NCAM2: variants seen among roughly 807,000 people sequenced by gnomAD.
The protein encoded by NCAM2 is N-CAM-2.
In NCAM2, 30 loss-of-function variants were observed where a neutral mutation model predicts 98.1. That is an observed-to-expected ratio of 0.31 (90% CI 0.23 to 0.41). NCAM2 has a LOEUF of 0.41. NCAM2 is among the 10% of genes least tolerant of loss of function. The probability of loss-of-function intolerance (pLI) is 1.00; values close to 1 mark genes in which losing one functional copy is unlikely to be tolerated. For missense variants in NCAM2, 867 were observed against 1,005.8 expected (o/e 0.86, Z 1.87); for synonymous variants, 368 against 342.4 (o/e 1.07, Z -0.83).
chr21:21,061,037 GT>G (rs373633303), intron 1 of NCAM2, among the ~76,000 whole-genome samples: 48 of 152,218 alleles, frequency 3.2e-4, no homozygotes, highest in African/African-American at 1.1e-3. Flanking sequence ...TAAGGTATAA[GT>G]TTGCTGAGAG....
intron 2 of NCAM2, among the ~76,000 whole-genome samples, chr21:21,282,320 G>T (rs578255583): frequency 2.6e-5 from 4 of 152,000 alleles, no homozygotes; most frequent in Admixed American, 2.6e-4. Context: ...TTGCCTGTAT[G>T]TATTGCATAG....
intron 15 of NCAM2, among the ~76,000 whole-genome samples, chr21:21,485,875 G>A (rs1986306335): frequency 6.6e-6 from 1 of 152,030 alleles, no homozygotes; most frequent in African/African-American, 2.4e-5. Context: ...TTTCATATGA[G>A]GGCTAGGCCT....
intron 11 of NCAM2, among the ~76,000 whole-genome samples, chr21:21,430,272 C>T (rs1252940104): frequency 6.6e-6 from 1 of 151,826 alleles, no homozygotes; most frequent in East Asian, 1.9e-4. Context: ...AAGTAATCCG[C>T]CCACCTCAGC....
At chr21:21,259,835 A>G (rs878900632) in intron 1 of NCAM2, among the ~76,000 whole-genome samples, 1 of 151,880 alleles carries the variant, frequency 6.6e-6, no homozygotes, top group Non-Finnish European at 1.5e-5. Flanking sequence ...GAATCCAAAC[A>G]ACCATACACA....
In NCAM2 at chr21:21,541,971, A is replaced by G. The variant is rs1004743337; in HGVS notation, c.*4014A>G. The stretch of plus-strand genomic sequence containing the variant: ...TTTGCATCTGTTTATTTACCCTTTG[A>G]AGCATTAATACTTAGTCACTCACAT... On this transcript the variant is annotated 3_prime_UTR_variant, in exon 18 of 18. Coordinates refer to ENST00000400546, the MANE Select transcript of NCAM2 (RefSeq NM_004540.5). The G allele has an allele frequency of 3.3e-5, 5 of 151,828 alleles. No homozygotes were observed. The highest frequency in any genetic ancestry group is 2.0e-4 in the Admixed American group (3 of 15,196). 9.4% of individuals were successfully genotyped at this position (151,828 alleles called of 1,614,324 possible).
chr21:21,149,278 T>G (rs1310441681), intron 1 of NCAM2, among the ~76,000 whole-genome samples: 2 of 152,212 alleles, frequency 1.3e-5, no homozygotes, highest in Non-Finnish European at 2.9e-5. Flanking sequence ...AGAATTACAT[T>G]GAATCTATAG....
chr21:21,052,432 A>T (rs1251295699), intron 1 of NCAM2, among the ~76,000 whole-genome samples: 1 of 152,016 alleles, frequency 6.6e-6, no homozygotes. Context: ...CTCAAGGTAG[A>T]TGTCCATTTC....
chr21:21,414,509 C>G (rs570437083), intron 10 of NCAM2, among the ~76,000 whole-genome samples: 1 of 138,844 alleles, frequency 7.2e-6, no homozygotes. Flanking sequence ...CTCGCTCTGT[C>G]GCCCAGGCTG....
intron 1 of NCAM2, among the ~76,000 whole-genome samples, chr21:21,015,514 T>C (rs2064289450): frequency 6.6e-6 from 1 of 152,222 alleles, no homozygotes. Flanking sequence ...TTTAAATTAA[T>C]GTATGGACAT....
intron 8 of NCAM2, among the ~76,000 whole-genome samples, chr21:21,353,706 T>C (rs1361153013): frequency 6.6e-6 from 1 of 152,212 alleles, no homozygotes; most frequent in East Asian, 1.9e-4. Flanking sequence ...ATTTTTCCTC[T>C]GTGGGAAGTG....
chr21:21,378,787 C>CA (rs1602158008), intron 9 of NCAM2, among the ~76,000 whole-genome samples: 1 of 151,934 alleles, frequency 6.6e-6, no homozygotes, highest in African/African-American at 2.4e-5. Context: ...ACTACTATGA[C>CA]AAAAAACTTC....
intron 5 of NCAM2, among the ~76,000 whole-genome samples, chr21:21,320,314 G>A (rs1288910491): frequency 1.3e-5 from 2 of 152,122 alleles, no homozygotes; most frequent in South Asian, 4.1e-4. Context: ...TTAGTTTATA[G>A]TAATCAGGAA....
intron 1 of NCAM2, among the ~76,000 whole-genome samples, chr21:21,106,872 T>G (rs976705764): frequency 3.3e-5 from 5 of 152,098 alleles, no homozygotes; most frequent in Non-Finnish European, 5.9e-5. Flanking sequence ...TTGTTCTGAG[T>G]CAATCTTTGA....
At chr21:21,415,724 T>C (rs988527608) in intron 10 of NCAM2, among the ~76,000 whole-genome samples, 4 of 152,194 alleles carry the variant, frequency 2.6e-5, no homozygotes, top group Admixed American at 6.5e-5. Flanking sequence ...AGATGGCTTC[T>C]TCCCTTAAGC....
intron 8 of NCAM2, among the ~76,000 whole-genome samples, chr21:21,352,459 T>C (rs1007151389): frequency 1.3e-5 from 2 of 152,046 alleles, no homozygotes; most frequent in Admixed American, 6.5e-5. Context: ...ATCATTCTTC[T>C]TGATCAATAA....
intron 1 of NCAM2, among the ~76,000 whole-genome samples, chr21:21,002,005 C>T (rs1055640704): frequency 1.3e-5 from 2 of 152,162 alleles, no homozygotes; most frequent in Admixed American, 1.3e-4. Context: ...TTACATGGCT[C>T]CAGCCTCTCT....
chr21:21,180,894 A>T (rs1246246709), intron 1 of NCAM2, among the ~76,000 whole-genome samples: 1 of 152,188 alleles, frequency 6.6e-6, no homozygotes, highest in Non-Finnish European at 1.5e-5. Context: ...GTAATTTAGT[A>T]TGAAGTTATC....
At chr21:21,512,458 T>C (rs1988449157) in intron 16 of NCAM2, among the ~76,000 whole-genome samples, 1 of 152,092 alleles carries the variant, frequency 6.6e-6, no homozygotes, top group Non-Finnish European at 1.5e-5. Context: ...TGTCTGTTTT[T>C]ATGCCAGTAG....
intron 1 of NCAM2, among the ~76,000 whole-genome samples, chr21:21,082,283 A>AC (rs1555882239): frequency 2.0e-4 from 27 of 133,114 alleles, no homozygotes; most frequent in African/African-American, 9.5e-4. Context: ...GCTCAAAACA[A>AC]AAAAAAAAAA....
Sources: allele counts gnomAD v4.1 joint callset (sites outside exome capture counted in the v4.1 genomes callset), GRCh38; gene constraint gnomAD v4.1.1; transcripts MANE v1.5; gene names NCBI Gene and HGNC (gene_info 2026-07-23, HGNC 2026-07-21).